The following YME1L1 variants were observed in gnomAD, a reference collection of about 807,000 sequenced individuals.
YME1L1 encodes the protein YME1 like 1 ATPase, also known as ATP-dependent zinc metalloprotease YME1L1.
YME1L1 carries 39 observed loss-of-function variants against 90.4 expected under a neutral mutation model. The ratio of observed to expected loss-of-function variants is 0.43; its 90% CI spans 0.33 to 0.56. The LOEUF (loss-of-function observed/expected upper bound fraction) is 0.56, where lower values mean the gene tolerates loss of function less well. Ranked by LOEUF, YME1L1 falls within the 20% of genes least tolerant of loss-of-function variation. YME1L1 has a pLI of 0.03. For synonymous variants in YME1L1, 284 were observed against 287.3 expected (o/e 0.99, Z 0.12); for missense variants, 617 against 868.4 (o/e 0.71, Z 3.64).
At chr10:27,128,440 T>C (rs551553706) in intron 8 of YME1L1, among the ~76,000 whole-genome samples, 116 of 152,170 alleles carry the variant, frequency 7.6e-4, no homozygotes, top group African/African-American at 2.7e-3. Context: ...TACTCAGAAA[T>C]CCCCACATTC....
chr10:27,135,506 T>C (rs1356886652), intron 5 of YME1L1, among the ~76,000 whole-genome samples: 2 of 152,170 alleles, frequency 1.3e-5, no homozygotes, highest in African/African-American at 4.8e-5. Flanking sequence ...ACCTCAGGAA[T>C]ATGGAAAAGG....
At chr10:27,121,581 C>T in intron 11 of YME1L1, 133 bp from the exon 12 acceptor site, 2 of 631,696 alleles carry the variant, frequency 3.2e-6, no homozygotes, top group Non-Finnish European at 5.7e-6. Context: ...CTGAAGCGCA[C>T]CAGTATGATC....
intron 6 of YME1L1, 137 bp from the exon 7 acceptor site, chr10:27,134,259 A>G: frequency 4.2e-6 from 3 of 720,600 alleles, no homozygotes; most frequent in Non-Finnish European, 7.0e-6. Flanking sequence ...CTTTCTCACA[A>G]CTGCTATGAT....
At chr10:27,154,046 A>G (rs966908846) in intron 1 of YME1L1, 132 bp downstream of exon 1, 23 of 1,229,244 alleles carry the variant, frequency 1.9e-5, no homozygotes, top group Non-Finnish European at 2.5e-5. Flanking sequence ...CCACTCCTCA[A>G]TCCTGGGATT....
chr10:27,129,062 G>T (rs1434450300), intron 8 of YME1L1, among the ~76,000 whole-genome samples: 2 of 134,170 alleles, frequency 1.5e-5, no homozygotes, highest in Admixed American at 8.2e-5. Flanking sequence ...CTCCAGCCTG[G>T]GCAAGAGAGC....
intron 1 of YME1L1, among the ~76,000 whole-genome samples, chr10:27,151,628 T>C (rs907961044): frequency 4.0e-5 from 6 of 151,562 alleles, no homozygotes; most frequent in Non-Finnish European, 7.4e-5. Flanking sequence ...ACGCCTGTAA[T>C]CCCAGCACTC....
chr10:27,112,441 C>T (rs2056768011), intron 18 of YME1L1, among the ~76,000 whole-genome samples: 2 of 152,104 alleles, frequency 1.3e-5, no homozygotes, highest in African/African-American at 4.8e-5. Context: ...ACCCATGGTC[C>T]CTCCTGTGGA....
At position 27,154,196 on chromosome 10, in the gene YME1L1, C is replaced by T. The variant is rs2057282516; in HGVS notation, c.15G>A (p.Ser5=). The T allele has an allele frequency of 6.3e-7, 1 of 1,592,002 alleles. No homozygotes were observed. Among genetic ancestry groups the T allele is most frequent in the South Asian group, 1.1e-5 (1 of 87,856 alleles). Residue 5 remains serine (S), a synonymous_variant, in exon 1 of 19, where the codon TCG becomes TCA. Coordinates refer to ENST00000376016, the MANE Select transcript of YME1L1 (RefSeq NM_014263.4). ...GGCTTACCTGGGGTTGCACCGTGCT[C>T]GACAAGGAAAACATCTCCGGCGGGC... MFSL[S]STVQPQVTVP...
At chr10:27,126,253 G>C (rs2056918573) in intron 9 of YME1L1, among the ~76,000 whole-genome samples, 1 of 151,948 alleles carries the variant, frequency 6.6e-6, no homozygotes. Context: ...GAGCAGCCTG[G>C]GCAACATGGA....
In YME1L1 at chr10:27,122,982, A is replaced by G; in HGVS notation, c.1103-9T>C. The G allele has an allele frequency of 6.2e-7, 1 of 1,605,350 alleles. No individual in the cohort carries two copies. ...ATTCGCCTTTGCTTCCCCTAAGAAA[A>G]CAAAAAACATTCAAATAAGCTGAAA... On this transcript the variant is annotated splice_polypyrimidine_tract_variant and intron_variant, in intron 10 of 18. Coordinates refer to ENST00000376016, the MANE Select transcript of YME1L1 (RefSeq NM_014263.4).
Position 27,142,423 on chromosome 10 carries a change from G to A in YME1L1, c.394C>T (p.Leu132Phe), listed in dbSNP as rs1357856344. The change falls in exon 4 of 19, where the codon CTT becomes TTT. Residue 132 changes from leucine (L) to phenylalanine (F), a missense_variant. By Grantham distance (22) the Leu-to-Phe change is conservative. This residue lies in a region of YME1L1 where 311 missense variants were observed against 335.8 expected (regional missense o/e 0.93). Transcript: ENST00000376016. ...SCLYRHHSRALQSICSDLQYW... is the reference protein window; with the variant it reads ...SCLYRHHSRAFQSICSDLQYW... ...TGAAGATCTGAACAAATGCTTTGAA[G>A]AGCTCTTGAATGATGTCGATACAAG... 1 of 1,526,240 alleles carries A rather than the reference G, an allele frequency of 6.6e-7. No homozygotes were observed. Among genetic ancestry groups the A allele is most frequent in the Non-Finnish European group, 8.8e-7 (1 of 1,136,758 alleles). The allele number at this position is 1,526,240 out of a possible 1,614,324, so 94.5% of individuals were successfully genotyped here. A position where few individuals can be genotyped will look rare whatever the true frequency, so the allele number is the denominator to read the frequency against.
At chr10:27,146,634 G>A (rs1455347979) in intron 2 of YME1L1, 1 of 152,172 alleles carries the variant, frequency 6.6e-6, no homozygotes, top group Non-Finnish European at 1.5e-5. Flanking sequence ...CAGGAGAAAT[G>A]TTTGAGCCCA....
At chr10:27,120,627 T>C in intron 12 of YME1L1, 80 bp from the exon 13 acceptor site, 8 of 1,084,438 alleles carry the variant, frequency 7.4e-6, no homozygotes, top group East Asian at 2.5e-5. Flanking sequence ...CCTAATGACG[T>C]GACTGGGAAG....
intron 8 of YME1L1, 79 bp from the exon 9 acceptor site, chr10:27,126,865 T>G: frequency 1.2e-6 from 1 of 835,846 alleles, no homozygotes; most frequent in Middle Eastern, 2.3e-4. Flanking sequence ...CTTTTGAAAA[T>G]CATAAATTTA....
intron 7 of YME1L1, 69 bp downstream of exon 7, chr10:27,133,970 T>C: frequency 1.9e-6 from 2 of 1,063,526 alleles, no homozygotes; most frequent in Non-Finnish European, 2.8e-6. Flanking sequence ...AGGGTTAGAT[T>C]AGGCATTAAA....
chr10:27,139,207 A>AT (rs1383782932), intron 4 of YME1L1, among the ~76,000 whole-genome samples: 6 of 152,026 alleles, frequency 3.9e-5, no homozygotes, highest in Admixed American at 3.3e-4. Flanking sequence ...ATACATATAT[A>AT]TATTTTTTAG....
At chr10:27,140,397 T>G (rs1392380013) in intron 4 of YME1L1, among the ~76,000 whole-genome samples, 1 of 152,250 alleles carries the variant, frequency 6.6e-6, no homozygotes, top group African/African-American at 2.4e-5. Context: ...CATTACTGAG[T>G]GTCTGTAATC....
rs144110887 is a variant in YME1L1 at position 27,112,662 on chromosome 10, T to C, written c.2008-542A>G. Among the ~76,000 whole-genome samples the C allele has an allele frequency of 1.6e-3, 243 of 152,282 alleles. 1 individual carries two copies. The highest frequency in any genetic ancestry group is 5.4e-3 in the African/African-American group (225 of 41,560). On this transcript the variant is annotated intron_variant, in intron 18 of 18. Transcript: ENST00000376016. ...TCTTCATTGTGCCATCTGACAAACA[T>C]AGTCCTTACTCACTAAAGACTTTGG...
chr10:27,134,262 G>T, intron 6 of YME1L1, 140 bp from the exon 7 acceptor site: 1 of 711,632 alleles, frequency 1.4e-6, no homozygotes, highest in Non-Finnish European at 2.4e-6. Flanking sequence ...TCTCACAACT[G>T]CTATGATTTC....
Sources: allele counts gnomAD v4.1 joint callset (sites outside exome capture counted in the v4.1 genomes callset), GRCh38; gene constraint gnomAD v4.1.1; regional missense constraint gnomAD v4.1.1; transcripts MANE v1.5; gene names NCBI Gene and HGNC (gene_info 2026-07-23, HGNC 2026-07-21).